TBC1D19: variants seen among roughly 807,000 people sequenced by gnomAD.
TBC1D19 encodes the protein TBC1 domain family, member 19.
Under a neutral mutation model 89.0 loss-of-function variants are expected in TBC1D19, and 60 were observed. That is an observed-to-expected ratio of 0.67 (90% CI 0.55 to 0.84). The LOEUF is 0.84. Ranked by LOEUF, TBC1D19 falls within the 40% of genes least tolerant of loss-of-function variation. The pLI is 0.00. For synonymous variants in TBC1D19, 189 were observed against 199.7 expected (o/e 0.95, Z 0.45); for missense variants, 500 against 610.8 (o/e 0.82, Z 1.91).
intron 18 of TBC1D19, 84 bp downstream of exon 18, chr4:26,742,683 G>T (rs1029072217): frequency 3.1e-6 from 3 of 976,334 alleles, no homozygotes; most frequent in Non-Finnish European, 4.5e-6. Context: ...TTGCAAATAC[G>T]TAATTTTTCA....
At chr4:26,609,574 G>T (rs1315289217) in intron 1 of TBC1D19, among the ~76,000 whole-genome samples, 1 of 152,070 alleles carries the variant, frequency 6.6e-6, no homozygotes, top group Non-Finnish European at 1.5e-5. Context: ...GTTCACTGTG[G>T]CTAGGGTGTG....
intron 7 of TBC1D19, among the ~76,000 whole-genome samples, chr4:26,644,596 T>G (rs1238386240): frequency 6.6e-6 from 1 of 152,058 alleles, no homozygotes; most frequent in Non-Finnish European, 1.5e-5. Flanking sequence ...GAGAAAGAAA[T>G]AAAGGTTTTC....
At chr4:26,638,500 T>A (rs942298489) in intron 5 of TBC1D19, among the ~76,000 whole-genome samples, 1 of 152,170 alleles carries the variant, frequency 6.6e-6, no homozygotes, top group Non-Finnish European at 1.5e-5. Flanking sequence ...GCAGTTTTTC[T>A]TTGTGAAATT....
intron 5 of TBC1D19, 109 bp downstream of exon 5, chr4:26,637,394 A>G (rs1577847477): frequency 4.3e-6 from 4 of 940,450 alleles, no homozygotes; most frequent in Non-Finnish European, 4.7e-6. Flanking sequence ...TTATTTAGAG[A>G]CAGAGTCTTG....
At chr4:26,658,521 G>A (rs1745021545) in intron 7 of TBC1D19, among the ~76,000 whole-genome samples, 1 of 152,184 alleles carries the variant, frequency 6.6e-6, no homozygotes, top group Non-Finnish European at 1.5e-5. Context: ...TAGGAAGTGT[G>A]ATGCCTCCAG....
At chr4:26,609,930 A>G (rs1741255607) in intron 1 of TBC1D19, among the ~76,000 whole-genome samples, 1 of 152,160 alleles carries the variant, frequency 6.6e-6, no homozygotes, top group Admixed American at 6.6e-5. Context: ...CTTGCAATGT[A>G]ATGAGATAGA....
intron 13 of TBC1D19, among the ~76,000 whole-genome samples, chr4:26,703,830 G>A (rs949123942): frequency 2.1e-4 from 32 of 151,548 alleles, no homozygotes; most frequent in African/African-American, 4.4e-4. Flanking sequence ...GCGTGGTGGC[G>A]GGCGCCTGTA....
At chr4:26,671,992 A>G (rs1049656554) in intron 9 of TBC1D19, among the ~76,000 whole-genome samples, 157 bp from the exon 10 acceptor site, 1 of 151,788 alleles carries the variant, frequency 6.6e-6, no homozygotes, top group Non-Finnish European at 1.5e-5. Context: ...TGTAGAAAAA[A>G]CTTTTTTACA....
At chr4:26,746,651 G>A (rs1233057879) in intron 18 of TBC1D19, among the ~76,000 whole-genome samples, 1 of 152,102 alleles carries the variant, frequency 6.6e-6, no homozygotes. Context: ...GACCCCCAGT[G>A]GGTGCCTGAA....
At chr4:26,820,685 T>C in the TBC1D19 span, among the ~76,000 whole-genome samples, 1 of 152,246 alleles carries the variant, frequency 6.6e-6, no homozygotes, top group African/African-American at 2.4e-5. Flanking sequence ...TTCTTTTGGA[T>C]ATATGCACAG....
At chr4:26,611,900 A>G (rs1374589609) in intron 1 of TBC1D19, among the ~76,000 whole-genome samples, 1 of 152,036 alleles carries the variant, frequency 6.6e-6, no homozygotes, top group Non-Finnish European at 1.5e-5. Flanking sequence ...AGTTTTAAGA[A>G]TTTATAGGTA....
intron 13 of TBC1D19, among the ~76,000 whole-genome samples, chr4:26,714,530 C>A (rs919917856): frequency 3.9e-5 from 6 of 152,172 alleles, no homozygotes; most frequent in Admixed American, 2.0e-4. Context: ...ACACCACATT[C>A]TTTTTAGTTT....
the TBC1D19 span, among the ~76,000 whole-genome samples, chr4:26,803,310 G>T: frequency 6.6e-6 from 1 of 152,208 alleles, no homozygotes; most frequent in East Asian, 1.9e-4. Flanking sequence ...TCAAAATGGA[G>T]AAATGCAGGC....
At chr4:26,697,391 G>T (rs544056355) in intron 13 of TBC1D19, among the ~76,000 whole-genome samples, 170 of 152,212 alleles carry the variant, frequency 1.1e-3, no homozygotes, top group South Asian at 1.9e-3. Context: ...ACCAAAAGAA[G>T]TCCAGGACCA....
the TBC1D19 span, among the ~76,000 whole-genome samples, chr4:26,804,529 C>G: frequency 6.6e-6 from 1 of 152,230 alleles, no homozygotes; most frequent in Non-Finnish European, 1.5e-5. Flanking sequence ...CCCTCGCTAG[C>G]CTTTCACCTG....
chr4:26,732,852 G>T (rs1021550391), intron 15 of TBC1D19, among the ~76,000 whole-genome samples: 1 of 152,148 alleles, frequency 6.6e-6, no homozygotes, highest in African/African-American at 2.4e-5. Flanking sequence ...CCTCCTCTGG[G>T]CTGTAAGTGA....
At chr4:26,855,921 T>C in the TBC1D19 span, among the ~76,000 whole-genome samples, 9 of 152,238 alleles carry the variant, frequency 5.9e-5, no homozygotes, top group African/African-American at 2.2e-4. Flanking sequence ...ATGTACATTG[T>C]AGAACAATTC....
chr4:26,770,270 C>G, the TBC1D19 span, among the ~76,000 whole-genome samples: 6,562 of 152,102 alleles, frequency 0.043, 486 homozygotes, highest in African/African-American at 0.15. Context: ...GAGAAAAGAT[C>G]ATGCTACCAC....
the TBC1D19 span, among the ~76,000 whole-genome samples, chr4:26,792,805 A>G: frequency 6.6e-6 from 1 of 152,200 alleles, no homozygotes; most frequent in South Asian, 2.1e-4. Flanking sequence ...CTAGTCTGAG[A>G]AGCTGGGTTC....
Sources: gnomAD v4.1 joint callset for allele counts (sites outside exome capture counted in the v4.1 genomes callset) on GRCh38, gnomAD v4.1.1 for gene constraint, MANE v1.5 for transcripts, NCBI Gene and HGNC (gene_info 2026-07-23, HGNC 2026-07-21) for gene names.